Variants in CDH18 observed in about 807,000 individuals in gnomAD.
CDH18 encodes cadherin 18.
A neutral mutation model predicts 67.9 loss-of-function variants in CDH18; 31 were observed. The observed-to-expected ratio is 0.46, with a 90% CI of 0.34 to 0.62. The LOEUF is 0.62. Ranked by LOEUF, CDH18 falls within the 20% of genes least tolerant of loss-of-function variation. The pLI is 0.01. For missense variants in CDH18, 890 were observed against 975.5 expected (o/e 0.91, Z 1.17); for synonymous variants, 362 against 347.2 (o/e 1.04, Z -0.48).
At chr5:19,696,777 T>C (rs981199763) in intron 5 of CDH18, among the ~76,000 whole-genome samples, 1 of 152,118 alleles carries the variant, frequency 6.6e-6, no homozygotes, top group African/African-American at 2.4e-5. Context: ...TTGTTCTCCA[T>C]AGGACTGAAT....
chr5:19,624,176 T>A (rs780169755), intron 5 of CDH18, among the ~76,000 whole-genome samples: 23 of 152,032 alleles, frequency 1.5e-4, no homozygotes, highest in Non-Finnish European at 2.4e-4. Flanking sequence ...CCCAGCTAAT[T>A]TTGTATTTTT....
chr5:20,267,400 T>C (rs995006096), intron 1 of CDH18, among the ~76,000 whole-genome samples: 6 of 152,224 alleles, frequency 3.9e-5, no homozygotes, highest in Non-Finnish European at 7.3e-5. Context: ...TCCTCAGAAC[T>C]GTCTTGGCTA....
At chr5:20,369,072 T>C (rs1205484186) in intron 1 of CDH18, among the ~76,000 whole-genome samples, 1 of 152,172 alleles carries the variant, frequency 6.6e-6, no homozygotes, top group African/African-American at 2.4e-5. Flanking sequence ...TCTTCTCAGC[T>C]TGCCCTTGAC....
At chr5:20,314,883 T>C (rs187502418) in intron 1 of CDH18, among the ~76,000 whole-genome samples, 2 of 152,132 alleles carry the variant, frequency 1.3e-5, no homozygotes, top group East Asian at 3.9e-4. Flanking sequence ...TTATTAAGAA[T>C]AAGTATTTCA....
chr5:19,604,530 AAC>A (rs4002268), intron 6 of CDH18, among the ~76,000 whole-genome samples: 10,764 of 145,002 alleles, frequency 0.074, 518 homozygotes, highest in African/African-American at 0.13. Context: ...TTCAAATTAA[AAC>A]ACACACACAC....
chr5:19,801,746 G>C (rs914800496), intron 3 of CDH18, among the ~76,000 whole-genome samples: 1 of 152,136 alleles, frequency 6.6e-6, no homozygotes, highest in Non-Finnish European at 1.5e-5. Context: ...GAAAACTACA[G>C]CTGCAAAGTG....
At chr5:20,358,699 GC>G (rs1236879936) in intron 1 of CDH18, among the ~76,000 whole-genome samples, 1 of 152,010 alleles carries the variant, frequency 6.6e-6, no homozygotes, top group African/African-American at 2.4e-5. Flanking sequence ...CAACCTAAAT[GC>G]CCTGAGCATA....
rs1166297728 is a variant in CDH18, at chr5:19,960,559, GTA to G, written c.-257+20499_-257+20500del. ...ATGTTTAATATACGTGTGTGTGTGT[GTA>G]TGTGTGTGTGTGTGTGTGTGTGTGT... On this transcript the variant is annotated intron_variant, in intron 2 of 12. Coordinates refer to ENST00000382275, the MANE Select transcript of CDH18 (RefSeq NM_004934.5). Among the ~76,000 whole-genome samples, 290 of 78,424 alleles carry G rather than the reference GTA, an allele frequency of 3.7e-3. 1 individual carries two copies. In the South Asian group the frequency reaches 0.041, roughly 11 times the overall value. 51.4% of individuals were successfully genotyped at this position (78,424 alleles called of 152,430 possible). A position where few individuals can be genotyped will look rare whatever the true frequency, so the allele number is the denominator to read the frequency against.
chr5:19,844,162 T>C (rs892436093), intron 2 of CDH18, among the ~76,000 whole-genome samples: 1 of 152,124 alleles, frequency 6.6e-6, no homozygotes, highest in African/African-American at 2.4e-5. Context: ...CAATCGTGCT[T>C]TGAAATGTGA....
chr5:19,616,847 T>G (rs138648174), intron 5 of CDH18, among the ~76,000 whole-genome samples: 1 of 152,314 alleles, frequency 6.6e-6, no homozygotes, highest in African/African-American at 2.4e-5. Flanking sequence ...CTCTTCCTGG[T>G]TTGCAGATGG....
intron 1 of CDH18, among the ~76,000 whole-genome samples, chr5:20,455,095 A>T (rs564550356): frequency 1.3e-5 from 2 of 151,450 alleles, no homozygotes; most frequent in East Asian, 3.9e-4. Flanking sequence ...AAAAATCCCT[A>T]TTCCTCTATT....
intron 2 of CDH18, among the ~76,000 whole-genome samples, chr5:20,123,352 C>A (rs1359346092): frequency 1.3e-5 from 2 of 152,094 alleles, no homozygotes; most frequent in Non-Finnish European, 2.9e-5. Flanking sequence ...GCTGTGTTTC[C>A]CATGGTTTGC....
intron 2 of CDH18, among the ~76,000 whole-genome samples, chr5:20,249,710 C>T (rs987936547): frequency 6.6e-6 from 1 of 152,034 alleles, no homozygotes; most frequent in African/African-American, 2.4e-5. Context: ...GGCTCTACTT[C>T]GCTAAAAAAA....
rs565369184 is a variant in CDH18 at position 20,425,264 on chromosome 5, CG to C, written c.-580+150197del. On this transcript the variant is annotated intron_variant, in intron 1 of 14. Transcript: ENST00000507958. ...TGCCTGTAATCCCAGTTACTCTACT[CG>C]GGAGGCGAGGCAGGAGAATTGCTTC... is the stretch of plus-strand genomic sequence containing the variant. Among the ~76,000 whole-genome samples the C allele has an allele frequency of 1.7e-3, 257 of 150,356 alleles. 14 individuals are homozygous for C. The highest frequency in any genetic ancestry group is 6.2e-3 in the African/African-American group (247 of 40,008).
chr5:20,203,139 T>G lies in CDH18; in HGVS notation c.-518+52305A>C, dbSNP rs186693369. On this transcript the variant is annotated intron_variant, in intron 2 of 14. Transcript: ENST00000507958. Reference sequence around the variant, plus strand: ...TGAAAAATGTTCCTCCTACTCATGGTTTCTGTACTGGGAATAATGTGATGG... The same window carrying G: ...TGAAAAATGTTCCTCCTACTCATGGGTTCTGTACTGGGAATAATGTGATGG... 9.0e-3 allele frequency among the ~76,000 whole-genome samples: 1,376 copies of G among 152,224 alleles called. 63 individuals are homozygous for G. Among genetic ancestry groups the G allele is most frequent in the Admixed American group, 0.082 (1,257 of 15,266 alleles).
At position 19,473,271 on chromosome 5, in the gene CDH18, C is replaced by T. The variant is rs747882977; in HGVS notation, c.2328G>A (p.Lys776=). 1.9e-6 allele frequency: 3 copies of T among 1,613,672 alleles called. No homozygotes were observed. In the South Asian group the frequency reaches 3.3e-5, roughly 18 times the overall value. ...YLGDWGPEFK[K]LAELYGEIES... is the part of the protein sequence containing the mutation. ...CTATTTCTCCATAGAGTTCAGCTAA[C>T]TTTTTAAACTCGGGTCCCCAGTCTC... Residue 776 remains lysine (K), a synonymous_variant, in exon 13 of 13, where the codon AAG becomes AAA. Transcript: ENST00000382275.
intron 5 of CDH18, among the ~76,000 whole-genome samples, chr5:19,707,810 T>G (rs1194219543): frequency 2.0e-5 from 3 of 152,218 alleles, no homozygotes; most frequent in Non-Finnish European, 4.4e-5. Context: ...ATGTGCTTGT[T>G]TGGGAAGATT....
intron 2 of CDH18, among the ~76,000 whole-genome samples, chr5:20,147,579 A>G (rs1323726165): frequency 6.6e-6 from 1 of 152,122 alleles, no homozygotes; most frequent in Non-Finnish European, 1.5e-5. Context: ...CGATACATAA[A>G]TGTTACTGTA....
intron 1 of CDH18, among the ~76,000 whole-genome samples, chr5:20,338,107 A>G (rs1739941284): frequency 1.3e-5 from 2 of 152,202 alleles, no homozygotes; most frequent in African/African-American, 4.8e-5. Flanking sequence ...GGTCCCTCCA[A>G]CAATAGGTGG....
Sources: gnomAD v4.1 joint callset for allele counts (sites outside exome capture counted in the v4.1 genomes callset) on GRCh38, gnomAD v4.1.1 for gene constraint, MANE v1.5 for transcripts, NCBI Gene and HGNC (gene_info 2026-07-23, HGNC 2026-07-21) for gene names.